ZEB1: variants seen among roughly 807,000 people sequenced by gnomAD.
The protein encoded by ZEB1 is zinc finger E-box-binding homeobox 1.
Under a neutral mutation model 84.9 loss-of-function variants are expected in ZEB1, and 21 were observed. That is an observed-to-expected ratio of 0.25 (90% CI 0.18 to 0.36). The LOEUF (loss-of-function observed/expected upper bound fraction) is 0.36. Ranked by LOEUF, ZEB1 falls within the 10% of genes least tolerant of loss-of-function variation. The pLI is 1.00. For synonymous variants in ZEB1, 420 were observed against 471.1 expected, an observed-to-expected ratio of 0.89 and a Z score of 1.41; for missense variants, 1,104 against 1,330.2, an observed-to-expected ratio of 0.83 and a Z score of 2.65.
intron 1 of ZEB1, among the ~76,000 whole-genome samples, chr10:31,446,772 G>C (rs1230003886): frequency 6.6e-6 from 1 of 151,114 alleles, no homozygotes; most frequent in Non-Finnish European, 1.5e-5. Flanking sequence ...ACTGTGGTCT[G>C]AGAGATAGTT....
intron 1 of ZEB1, among the ~76,000 whole-genome samples, chr10:31,460,460 T>C (rs993140022): frequency 6.6e-6 from 1 of 152,164 alleles, no homozygotes; most frequent in Non-Finnish European, 1.5e-5. Flanking sequence ...GTAAACTTGA[T>C]GATGTAATGC....
In ZEB1 at chr10:31,476,374, T is replaced by C. The variant is rs76327896; in HGVS notation, c.259+15137T>C. ...AGATAACCTAGAAGAAATATGTGAA[T>C]TCCTGGAACACACAACTTCCTGAGA... On this transcript the variant is annotated intron_variant, in intron 2 of 8. Transcript: ENST00000424869. Among the ~76,000 whole-genome samples the C allele has an allele frequency of 1.4e-3, 218 of 152,084 alleles. 6 individuals are homozygous for C. In the East Asian group the frequency reaches 0.038, roughly 26 times the overall value.
chr10:31,488,289 G>A (rs1251860401), intron 2 of ZEB1, among the ~76,000 whole-genome samples: 1 of 151,102 alleles, frequency 6.6e-6, no homozygotes, highest in Non-Finnish European at 1.5e-5. Flanking sequence ...TCTTGGATGT[G>A]TTTAGTGTCT....
chr10:31,524,749 A>G (rs1227167459), intron 8 of ZEB1, among the ~76,000 whole-genome samples: 1 of 149,388 alleles, frequency 6.7e-6, no homozygotes, highest in African/African-American at 2.6e-5. Context: ...AATAAAAAAT[A>G]TGAGACCAGT....
chr10:31,380,355 G>A (rs1297562259), intron 1 of ZEB1, among the ~76,000 whole-genome samples: 1 of 152,158 alleles, frequency 6.6e-6, no homozygotes, highest in Non-Finnish European at 1.5e-5. Flanking sequence ...GTTCAGCTTT[G>A]GTTTTGGTGT....
At chr10:31,417,810 A>G (rs2055475231) in intron 1 of ZEB1, among the ~76,000 whole-genome samples, 2 of 152,016 alleles carry the variant, frequency 1.3e-5, no homozygotes, top group Admixed American at 6.6e-5. Flanking sequence ...AAAAAAAAAA[A>G]TTGAACATCT....
At chr10:31,321,372 A>G (rs903775237) in intron 1 of ZEB1, 3 of 1,546,026 alleles carry the variant, frequency 1.9e-6, no homozygotes, top group Non-Finnish European at 2.6e-6. Context: ...TCTGTTGATT[A>G]TAAACGAAAG....
At chr10:31,372,845 A>G (rs1322201643) in intron 1 of ZEB1, among the ~76,000 whole-genome samples, 8 of 151,998 alleles carry the variant, frequency 5.3e-5, no homozygotes, top group Admixed American at 5.2e-4. Flanking sequence ...AAGCGTTTTC[A>G]GAAGATACTA....
rs190774734 is a variant in ZEB1, at chr10:31,504,687, T to A, written c.484+2178T>A. Reference sequence around the variant, plus strand: ...TCTTTCACCTTCTTGGGTAAATTTATCCCTAGGTATTTTACTTTTTTGTAG... The same window carrying A: ...TCTTTCACCTTCTTGGGTAAATTTAACCCTAGGTATTTTACTTTTTTGTAG... On this transcript the variant is annotated intron_variant, in intron 4 of 8. Coordinates refer to ENST00000424869, the MANE Select transcript of ZEB1 (RefSeq NM_001174096.2). Among the ~76,000 whole-genome samples the A allele has an allele frequency of 2.6e-5, 4 of 152,190 alleles. No individual in the cohort carries two copies. In the East Asian group the frequency reaches 7.7e-4, roughly 29 times the overall value.
chr10:31,366,839 C>A (rs2839657), intron 1 of ZEB1, among the ~76,000 whole-genome samples: 1 of 151,930 alleles, frequency 6.6e-6, no homozygotes, highest in Non-Finnish European at 1.5e-5. Flanking sequence ...GAGCAAGACT[C>A]CAGTGATCCT....
rs1006411389 is a variant in ZEB1, at chr10:31,520,906, G to T, written c.1574G>T (p.Gly525Val). 2.5e-6 allele frequency: 4 copies of T among 1,614,004 alleles called. No individual in the cohort carries two copies. The highest frequency in any genetic ancestry group is 2.7e-5 in the African/African-American group (2 of 74,918). ...VKSEKDKSFE[G>V]GVNDSTCLLC... ...TCTGAGAAGGACAAAAGCTTTGAAG[G>T]GGGGGTGAATGATAGCACTTGTCTT... Residue 525 changes from glycine to valine, a missense_variant, in exon 7 of 9, where the codon GGG (glycine) becomes GTG (valine). Gly to Val is a moderately radical substitution (Grantham distance 109). Coordinates refer to ENST00000424869, the MANE Select transcript of ZEB1 (RefSeq NM_001174096.2). This position sits in a 1 kb window ranked among gnomAD's most constrained non-coding sequence, Gnocchi z 5.1.
At chr10:31,335,348 G>A (rs2037795798) in intron 1 of ZEB1, among the ~76,000 whole-genome samples, 1 of 151,974 alleles carries the variant, frequency 6.6e-6, no homozygotes, top group African/African-American at 2.4e-5. Context: ...TGCTATCCAT[G>A]GTTTCAGGCA....
intron 1 of ZEB1, among the ~76,000 whole-genome samples, chr10:31,425,863 T>G (rs896732568): frequency 6.6e-6 from 1 of 152,180 alleles, no homozygotes; most frequent in Non-Finnish European, 1.5e-5. Context: ...TACAAGTGTT[T>G]ATGAAAGGAT....
chr10:31,502,040 G>T (rs1202395378), intron 3 of ZEB1, among the ~76,000 whole-genome samples: 1 of 152,072 alleles, frequency 6.6e-6, no homozygotes, highest in African/African-American at 2.4e-5. Context: ...AATTGAGAAA[G>T]AATTCAGTCA....
At chr10:31,362,158 G>A (rs1482078745) in intron 1 of ZEB1, among the ~76,000 whole-genome samples, 2 of 150,584 alleles carry the variant, frequency 1.3e-5, no homozygotes, top group African/African-American at 2.4e-5. Flanking sequence ...TCCCAGATGG[G>A]GCGGCGGCTG....
chr10:31,472,001 C>G (rs1399236022), intron 2 of ZEB1, among the ~76,000 whole-genome samples: 1 of 143,896 alleles, frequency 6.9e-6, no homozygotes, highest in East Asian at 2.0e-4. Context: ...TAAAGATGTT[C>G]TTTGAAACCA....
rs535982435 is a variant in ZEB1 at position 31,461,126 on chromosome 10, G to A, written c.148G>A (p.Ala50Thr). The change falls in exon 2 of 9, where the codon GCA becomes ACA. Residue 50 changes from alanine (A) to threonine (T), a missense_variant. This residue lies in a region of ZEB1 where 162 missense variants were observed against 184.5 expected (regional missense o/e 0.88). Transcript: ENST00000424869. ...HIVEEESVTD[A>T]ADCEGVPEDD... is the part of the protein sequence containing the mutation. ...TGTGGAAGAAGAAAGTGTTACAGAT[G>A]CAGCTGACTGTGAAGGTGTACCAGA... 3.1e-6 allele frequency: 5 copies of A among 1,613,594 alleles called. No individual in the cohort carries two copies. In the South Asian group the frequency reaches 5.5e-5, roughly 18 times the overall value.
intron 2 of ZEB1, among the ~76,000 whole-genome samples, chr10:31,483,980 A>G (rs987969530): frequency 2.0e-5 from 3 of 151,972 alleles, no homozygotes; most frequent in African/African-American, 7.2e-5. Flanking sequence ...TTGATCATAC[A>G]AGGACCCCAT....
chr10:31,448,711 C>CA (rs1323756802), intron 1 of ZEB1, among the ~76,000 whole-genome samples: 13 of 152,134 alleles, frequency 8.5e-5, no homozygotes, highest in African/African-American at 3.1e-4. Context: ...GGGTGCCTCC[C>CA]AGTTAGGCTG....
Sources: gnomAD v4.1 joint callset for allele counts (sites outside exome capture counted in the v4.1 genomes callset) on GRCh38, gnomAD v4.1.1 for gene constraint, gnomAD v4.1.1 regional missense constraint, Gnocchi (gnomAD v3.1) non-coding constraint, MANE v1.5 for transcripts, NCBI Gene and HGNC (gene_info 2026-07-23, HGNC 2026-07-21) for gene names.